Variants in TRAPPC11 observed in about 807,000 individuals in gnomAD.
TRAPPC11 encodes trafficking protein particle complex subunit 11.
TRAPPC11 carries 104 observed loss-of-function variants against 151.2 expected under a neutral mutation model. That is an observed-to-expected ratio of 0.69 (90% confidence interval 0.59 to 0.81). The LOEUF (loss-of-function observed/expected upper bound fraction) is 0.81. Among genes scored for constraint, TRAPPC11 ranks in the 30% least tolerant of loss-of-function variants. The probability of loss-of-function intolerance (pLI) is 0.00; values close to 1 mark genes in which losing one functional copy is unlikely to be tolerated. For missense variants in TRAPPC11, 1,230 were observed against 1,349.6 expected (o/e 0.91, Z 1.39); for synonymous variants, 456 against 472.3 (o/e 0.97, Z 0.45).
At chr4:183,667,899 G>A in intron 4 of TRAPPC11, 104 bp from the exon 5 acceptor site, 2 of 856,588 alleles carry the variant, frequency 2.3e-6, no homozygotes, top group Admixed American at 2.0e-5. Flanking sequence ...AGCTGTTTGG[G>A]TTTTTATTCC....
At chr4:183,692,787 C>G (rs971300332) in intron 19 of TRAPPC11, among the ~76,000 whole-genome samples, 173 bp from the exon 20 acceptor site, 1 of 152,164 alleles carries the variant, frequency 6.6e-6, no homozygotes, top group African/African-American at 2.4e-5. Flanking sequence ...CGCAGTTAGT[C>G]TCTGTCCCAG....
chr4:183,699,239 T>C (rs1736688012), intron 25 of TRAPPC11, among the ~76,000 whole-genome samples: 1 of 152,204 alleles, frequency 6.6e-6, no homozygotes, highest in South Asian at 2.1e-4. Flanking sequence ...AACTTTTGTG[T>C]AAAACCTTCA....
In TRAPPC11 at chr4:183,680,290, T is replaced by C. The variant is rs762153729; in HGVS notation, c.1113+23T>C. 4 of 1,601,560 alleles carry C rather than the reference T, an allele frequency of 2.5e-6. No homozygotes were observed. In the African/African-American group the frequency reaches 4.0e-5, roughly 16 times the overall value. On this transcript the variant is annotated intron_variant, in intron 10 of 29. Transcript: ENST00000334690. ...GAAGTAAGTTACTCACTCCGTATTA[T>C]CTAGCACATAGAAAAGTTATTCTTC...
At chr4:183,661,374 T>TC in intron 1 of TRAPPC11, among the ~76,000 whole-genome samples, 1 of 137,598 alleles carries the variant, frequency 7.3e-6, no homozygotes, top group East Asian at 2.1e-4. Context: ...TTTTTTTTTT[T>TC]TTTTTTTTTT....
At chr4:183,670,312 G>A (rs1313875980) in intron 5 of TRAPPC11, among the ~76,000 whole-genome samples, 1 of 152,208 alleles carries the variant, frequency 6.6e-6, no homozygotes, top group African/African-American at 2.4e-5. Flanking sequence ...TATTGGAGAA[G>A]TTTGCTGATC....
chr4:183,699,986 C>T (rs1332002526), intron 25 of TRAPPC11, among the ~76,000 whole-genome samples: 6 of 152,050 alleles, frequency 3.9e-5, no homozygotes, highest in African/African-American at 7.2e-5. Flanking sequence ...CCACCACGCC[C>T]GGCTAATTTT....
rs1232125016 is a variant in TRAPPC11, at chr4:183,677,499, C to T, written c.776C>T (p.Ala259Val). 6.2e-7 allele frequency: 1 copy of T among 1,608,738 alleles called. No homozygotes were observed. Among genetic ancestry groups the T allele is most frequent in the Non-Finnish European group, 8.5e-7 (1 of 1,175,504 alleles). Residue 259 changes from alanine to valine, a missense_variant, in exon 8 of 30, where the codon GCC becomes GTC. By Grantham distance (64) the Ala-to-Val change is moderately conservative. Coordinates refer to ENST00000334690, the MANE Select transcript of TRAPPC11 (RefSeq NM_021942.6). The stretch of plus-strand genomic sequence containing the variant: ...TATAATCTTGTACACGAATTGAGAG[C>T]CCATGAAACTAATATTCTGGAAATT... ...TAYNLVHELR[A>V]HETNILEIKT...
intron 8 of TRAPPC11, among the ~76,000 whole-genome samples, chr4:183,678,807 AT>A (rs1735538556): frequency 6.6e-6 from 1 of 152,246 alleles, no homozygotes; most frequent in African/African-American, 2.4e-5. Flanking sequence ...TGTAACAAGC[AT>A]ATGGAAATAA....
intron 1 of TRAPPC11, among the ~76,000 whole-genome samples, chr4:183,662,975 T>G (rs1332646373): frequency 1.3e-5 from 2 of 152,216 alleles, no homozygotes; most frequent in African/African-American, 4.8e-5. Flanking sequence ...TAGATCTAAT[T>G]CAGGAATTAA....
At chr4:183,687,436 C>T (rs1202781308) in intron 18 of TRAPPC11, among the ~76,000 whole-genome samples, 3 of 151,900 alleles carry the variant, frequency 2.0e-5, no homozygotes, top group African/African-American at 7.3e-5. Flanking sequence ...ACCTTTTGGA[C>T]TCCCACCTTA....
chr4:183,664,116 A>T (rs72691592), intron 2 of TRAPPC11, 45 bp downstream of exon 2: 2 of 1,103,346 alleles, frequency 1.8e-6, no homozygotes, highest in East Asian at 5.2e-5. Flanking sequence ...CTCTCTCTCT[A>T]TGTGTGTGTG....
At chr4:183,671,919 A>C (rs1440785679) in intron 5 of TRAPPC11, among the ~76,000 whole-genome samples, 1 of 152,234 alleles carries the variant, frequency 6.6e-6, no homozygotes, top group African/African-American at 2.4e-5. Context: ...TTTAACCTAA[A>C]TTATCTGGTA....
rs1020315228 is a variant in TRAPPC11, at chr4:183,675,166, T to A, written c.663T>A (p.Leu221=). The change falls in exon 7 of 30, where the codon CTT becomes CTA. Residue 221 remains leucine (L), a splice_region_variant and synonymous_variant. Transcript: ENST00000334690. ...GTAATTTTTTTGTCTCTTTTTAGCTTTTATTTGTTAGGCATCAGTTCAAAA... is the reference window on the plus strand; with the variant it reads ...GTAATTTTTTTGTCTCTTTTTAGCTATTATTTGTTAGGCATCAGTTCAAAA... The part of the protein sequence containing the change: ...KEFLNKTTHQ[L]LFVRHQFKIA... 1 of 1,501,460 alleles carries A rather than the reference T, an allele frequency of 6.7e-7. No individual in the cohort carries two copies. The allele number at this position is 1,501,460 out of a possible 1,614,324, so 93.0% of individuals were successfully genotyped here.
chr4:183,697,485 C>T lies in TRAPPC11; in HGVS notation c.2629-18C>T. 6.3e-7 allele frequency: 1 copy of T among 1,593,914 alleles called. No homozygotes were observed. Among genetic ancestry groups the T allele is most frequent in the Non-Finnish European group, 8.5e-7 (1 of 1,175,020 alleles). The stretch of plus-strand genomic sequence containing the variant: ...GATTTAGAAAATCCATGAATGTGCC[C>T]TTTACATTTTCTTGCAGGATGAAAC... On this transcript the variant is annotated intron_variant, in intron 23 of 29. Transcript: ENST00000334690.
At chr4:183,698,609 T>G (rs1397332075) in intron 25 of TRAPPC11, among the ~76,000 whole-genome samples, 1 of 152,232 alleles carries the variant, frequency 6.6e-6, no homozygotes, top group African/African-American at 2.4e-5. Context: ...ATAATTAATA[T>G]ATATGAGAAC....
intron 29 of TRAPPC11, among the ~76,000 whole-genome samples, chr4:183,711,614 A>G (rs1737344092): frequency 6.6e-6 from 1 of 152,198 alleles, no homozygotes; most frequent in Non-Finnish European, 1.5e-5. Flanking sequence ...TGGAAGCTAT[A>G]CTTAGCTATG....
At chr4:183,663,468 C>T (rs1036352002) in intron 1 of TRAPPC11, among the ~76,000 whole-genome samples, 5 of 151,830 alleles carry the variant, frequency 3.3e-5, no homozygotes, top group African/African-American at 7.2e-5. Context: ...CTCCTGACCT[C>T]GTGATCTGCC....
chr4:183,691,189 TC>T (rs1274702969), intron 18 of TRAPPC11, 126 bp from the exon 19 acceptor site: 2 of 680,274 alleles, frequency 2.9e-6, no homozygotes, highest in African/African-American at 3.7e-5. Context: ...AAAAAATACT[TC>T]CTTTTATTAG....
intron 28 of TRAPPC11, among the ~76,000 whole-genome samples, chr4:183,707,410 C>T (rs1392153198): frequency 6.6e-6 from 1 of 152,032 alleles, no homozygotes; most frequent in African/African-American, 2.4e-5. Flanking sequence ...TGTTTCTATA[C>T]TTTAAATTAT....
Sources: gnomAD v4.1 joint callset for allele counts (sites outside exome capture counted in the v4.1 genomes callset) on GRCh38, gnomAD v4.1.1 for gene constraint, MANE v1.5 for transcripts, NCBI Gene and HGNC (gene_info 2026-07-23, HGNC 2026-07-21) for gene names.